The following PBX3 variants were observed in gnomAD, a reference collection of about 807,000 sequenced individuals.
PBX3 encodes the protein PBX homeobox 3.
In PBX3, 14 loss-of-function variants were observed where a neutral mutation model predicts 48.5. The ratio of observed to expected loss-of-function variants is 0.29; its 90% CI spans 0.19 to 0.45. PBX3 has a LOEUF of 0.45. Among genes scored for constraint, PBX3 ranks in the 20% least tolerant of loss-of-function variants. The probability of loss-of-function intolerance (pLI) is 1.00; values close to 1 mark genes in which losing one functional copy is unlikely to be tolerated. For synonymous variants in PBX3, 210 were observed against 200.3 expected (o/e 1.05, Z -0.41); for missense variants, 386 against 546.7 (o/e 0.71, Z 2.93).
At chr9:125,926,544 T>A (rs148940934) in intron 3 of PBX3, among the ~76,000 whole-genome samples, 1 of 151,984 alleles carries the variant, frequency 6.6e-6, no homozygotes, top group East Asian at 1.9e-4. Flanking sequence ...TGCTATTTAT[T>A]ACAGGCTCAT....
chr9:125,947,085 T>C (rs935442892), intron 5 of PBX3, among the ~76,000 whole-genome samples: 18 of 152,178 alleles, frequency 1.2e-4, no homozygotes, highest in African/African-American at 4.1e-4. Context: ...CTGCCAAAAA[T>C]GTCCTTTGAT....
chr9:125,820,587 G>C (rs906139424), intron 2 of PBX3, among the ~76,000 whole-genome samples: 3 of 152,220 alleles, frequency 2.0e-5, no homozygotes, highest in Admixed American at 2.0e-4. Flanking sequence ...CTGTGATTCT[G>C]TCTGACGTGT....
chr9:125,816,859 T>C (rs1232695690), intron 2 of PBX3, among the ~76,000 whole-genome samples: 2 of 152,242 alleles, frequency 1.3e-5, no homozygotes, highest in Non-Finnish European at 1.5e-5. Flanking sequence ...TTAATCTTTT[T>C]ATCCTTTACC....
At chr9:125,766,131 CAG>C (rs1346113494) in intron 2 of PBX3, among the ~76,000 whole-genome samples, 1 of 152,046 alleles carries the variant, frequency 6.6e-6, no homozygotes, top group South Asian at 2.1e-4. Context: ...TTTTAGCACA[CAG>C]AATCTGCTCA....
intron 5 of PBX3, chr9:125,949,431 A>C (rs1435026693): frequency 6.4e-7 from 1 of 1,550,728 alleles, no homozygotes; most frequent in South Asian, 1.2e-5. Context: ...ACATCCAGCC[A>C]ACTAGCGTGG....
chr9:125,805,339 G>A (rs1197138389), intron 2 of PBX3, among the ~76,000 whole-genome samples: 7 of 152,314 alleles, frequency 4.6e-5, no homozygotes, highest in South Asian at 2.1e-4. Context: ...CAGATGAATA[G>A]GAGCCATGTG....
chr9:125,748,633 T>C lies in PBX3; in HGVS notation c.274+10T>C. 6.2e-7 allele frequency: 1 copy of C among 1,611,744 alleles called. No homozygotes were observed. The highest frequency in any genetic ancestry group is 8.5e-7 in the Non-Finnish European group (1 of 1,178,886). ...ATCAAAGAGAAAACAGGTAAGACGCTGCGCCCCGCAGTGGGCCTGGAGACC... is the reference window on the plus strand; with the variant it reads ...ATCAAAGAGAAAACAGGTAAGACGCCGCGCCCCGCAGTGGGCCTGGAGACC... On this transcript the variant is annotated intron_variant, in intron 2 of 8. Coordinates refer to ENST00000373489, the MANE Select transcript of PBX3 (RefSeq NM_006195.6).
intron 2 of PBX3, among the ~76,000 whole-genome samples, chr9:125,777,149 C>T (rs972851186): frequency 7.3e-5 from 11 of 151,600 alleles, no homozygotes; most frequent in South Asian, 4.2e-4. Context: ...GTAGCTGGGA[C>T]TACAGATATG....
chr9:125,806,345 G>A (rs1838123931), intron 2 of PBX3, among the ~76,000 whole-genome samples: 1 of 152,150 alleles, frequency 6.6e-6, no homozygotes, highest in South Asian at 2.1e-4. Context: ...TTGTGCTACT[G>A]TAAAAAAATA....
At chr9:125,952,425 C>T (rs924330999) in intron 5 of PBX3, among the ~76,000 whole-genome samples, 21 of 152,230 alleles carry the variant, frequency 1.4e-4, no homozygotes, top group African/African-American at 4.6e-4. Context: ...GTTATTAACA[C>T]GGTCAATAAA....
At chr9:125,791,581 C>T (rs1056053481) in intron 2 of PBX3, among the ~76,000 whole-genome samples, 1 of 152,180 alleles carries the variant, frequency 6.6e-6, no homozygotes, top group Non-Finnish European at 1.5e-5. Context: ...CCTGTGCTCT[C>T]TCTTCCTCCT....
intron 2 of PBX3, among the ~76,000 whole-genome samples, chr9:125,835,051 AGGG>A (rs1839090162): frequency 5.6e-5 from 6 of 108,046 alleles, no homozygotes; most frequent in African/African-American, 1.1e-4. Context: ...AAAAAAAAAA[AGGG>A]CAAAAGATAT....
At position 125,759,341 on chromosome 9, in the gene PBX3, G is replaced by T. The variant is rs557223340; in HGVS notation, c.274+10718G>T. Among the ~76,000 whole-genome samples the T allele has an allele frequency of 6.6e-6, 1 of 152,290 alleles. No homozygotes were observed. The highest frequency in any genetic ancestry group is 2.1e-4 in the South Asian group (1 of 4,828). On this transcript the variant is annotated intron_variant, in intron 2 of 8. Coordinates refer to ENST00000373489, the MANE Select transcript of PBX3 (RefSeq NM_006195.6). The surrounding 1 kb of genome is among the most constrained non-coding windows in gnomAD (Gnocchi z 4.2). ...TAAAGTGGCCCCTAGTGATAGTGCT[G>T]CAGTGACTAGATAGAGCAGAGGAGA...
chr9:125,778,365 TCTCTGC>T (rs1033147701), intron 2 of PBX3, among the ~76,000 whole-genome samples: 5 of 151,650 alleles, frequency 3.3e-5, no homozygotes, highest in Admixed American at 3.3e-4. Flanking sequence ...TTCAAGCAAT[TCTCTGC>T]CTCAGCCTCC....
At chr9:125,909,841 A>G (rs995898675) in intron 2 of PBX3, among the ~76,000 whole-genome samples, 9 of 152,190 alleles carry the variant, frequency 5.9e-5, no homozygotes, top group Admixed American at 2.0e-4. Context: ...TAATGTCATT[A>G]TAGCATCTAG....
intron 2 of PBX3, among the ~76,000 whole-genome samples, chr9:125,873,716 A>C (rs1588245343): frequency 6.6e-6 from 1 of 152,174 alleles, no homozygotes. Context: ...TTTAGCTTCA[A>C]ATGTTTACAT....
chr9:125,793,365 AAAT>A (rs1200238656), intron 2 of PBX3, among the ~76,000 whole-genome samples: 53 of 95,574 alleles, frequency 5.5e-4, no homozygotes, highest in African/African-American at 1.5e-3. Context: ...GGGAAAAAAA[AAAT>A]ATATATATAT....
intron 2 of PBX3, among the ~76,000 whole-genome samples, chr9:125,845,437 G>T (rs1178856244): frequency 1.3e-5 from 2 of 152,100 alleles, no homozygotes; most frequent in African/African-American, 4.8e-5. Flanking sequence ...AAGCAACTCT[G>T]TACTGTTGTA....
intron 2 of PBX3, among the ~76,000 whole-genome samples, chr9:125,780,625 G>C (rs1483899944): frequency 7.4e-6 from 1 of 135,436 alleles, no homozygotes; most frequent in Non-Finnish European, 1.6e-5. Flanking sequence ...GGACGGGGCG[G>C]CTGGCCGGGC....
Sources: allele counts gnomAD v4.1 joint callset (sites outside exome capture counted in the v4.1 genomes callset), GRCh38; gene constraint gnomAD v4.1.1; non-coding constraint Gnocchi (gnomAD v3.1); transcripts MANE v1.5; gene names NCBI Gene and HGNC (gene_info 2026-07-23, HGNC 2026-07-21).